LRP1B: variants seen among roughly 807,000 people sequenced by gnomAD.
LRP1B encodes the protein LDL receptor related protein 1B.
A neutral mutation model predicts 556.6 loss-of-function variants in LRP1B; 217 were observed. That is an observed-to-expected ratio of 0.39 (90% CI 0.35 to 0.44). The LOEUF is 0.44. Among genes scored for constraint, LRP1B ranks in the 20% least tolerant of loss-of-function variants. The probability of loss-of-function intolerance (pLI) is 1.00; values close to 1 mark genes in which losing one functional copy is unlikely to be tolerated. For synonymous variants in LRP1B, 2,047 were observed against 1,865.8 expected (o/e 1.10, Z -2.50); for missense variants, 5,053 against 5,620.8 (o/e 0.90, Z 3.23).
At chr2:141,438,692 A>G (rs914955193) in intron 3 of LRP1B, among the ~76,000 whole-genome samples, 1 of 152,166 alleles carries the variant, frequency 6.6e-6, no homozygotes, top group African/African-American at 2.4e-5. Flanking sequence ...TGGGATGAGA[A>G]CCAAAAGAAA....
intron 43 of LRP1B, among the ~76,000 whole-genome samples, chr2:140,584,870 T>A (rs1055916798): frequency 7.6e-5 from 11 of 144,974 alleles, no homozygotes; most frequent in African/African-American, 2.9e-4. Flanking sequence ...AAATTTTGAT[T>A]TTGGCCTTTT....
chr2:141,984,426 A>G (rs1702127803), intron 1 of LRP1B, among the ~76,000 whole-genome samples: 1 of 152,170 alleles, frequency 6.6e-6, no homozygotes, highest in African/African-American at 2.4e-5. Flanking sequence ...AGACCAGCTC[A>G]AGATAGAAAG....
At chr2:140,791,543 G>A (rs1690120731) in intron 32 of LRP1B, among the ~76,000 whole-genome samples, 3 of 152,170 alleles carry the variant, frequency 2.0e-5, no homozygotes, top group African/African-American at 7.2e-5. Flanking sequence ...TGAATATGAT[G>A]TTATTTTGTC....
At chr2:141,588,259 A>G (rs534245522) in intron 2 of LRP1B, among the ~76,000 whole-genome samples, 2 of 151,502 alleles carry the variant, frequency 1.3e-5, no homozygotes, top group African/African-American at 2.4e-5. Flanking sequence ...TTTTTTTATC[A>G]TAAGAGTGTG....
intron 79 of LRP1B, among the ~76,000 whole-genome samples, chr2:140,326,716 T>C (rs1224228092): frequency 1.3e-5 from 2 of 151,870 alleles, no homozygotes; most frequent in Non-Finnish European, 2.9e-5. Flanking sequence ...AAAAAATGTT[T>C]ATGGTAGGGA....
rs190802894 is a variant in LRP1B, at chr2:141,364,773, T to A, written c.344-110132A>T. The stretch of plus-strand genomic sequence containing the variant: ...AGCACAGAATGTGAAAATGTGAAAT[T>A]TGAATCTGAAAATTTCTAAGAGTTT... On this transcript the variant is annotated intron_variant, in intron 3 of 90. Coordinates refer to ENST00000389484, the MANE Select transcript of LRP1B (RefSeq NM_018557.3). 2.2e-3 allele frequency among the ~76,000 whole-genome samples: 342 copies of A among 152,350 alleles called. 2 individuals are homozygous for A. The highest frequency in any genetic ancestry group is 7.2e-3 in the Admixed American group (110 of 15,296).
intron 2 of LRP1B, among the ~76,000 whole-genome samples, chr2:141,584,990 T>C (rs72855434): frequency 0.028 from 4,242 of 152,246 alleles, 94 homozygotes; most frequent in South Asian, 0.067. Flanking sequence ...AAAATGTGAA[T>C]ATATTTAACA....
intron 3 of LRP1B, among the ~76,000 whole-genome samples, chr2:141,423,350 T>C (rs1680222851): frequency 6.9e-6 from 1 of 144,372 alleles, no homozygotes; most frequent in Non-Finnish European, 1.5e-5. Context: ...GATGCACAGA[T>C]GGAGAGAGCA....
In LRP1B at chr2:140,613,352, A is replaced by ATTATATACATATAAATATAAAT. The variant is rs1559005748; in HGVS notation, c.6800-11714_6800-11713insATTTATATTTATATGTATATAA. 4.5e-5 allele frequency among the ~76,000 whole-genome samples: 4 copies of ATTATATACATATAAATATAAAT among 88,848 alleles called. No individual in the cohort carries two copies. In the South Asian group the frequency reaches 1.2e-3, roughly 28 times the overall value. 58.3% of individuals were successfully genotyped at this position (88,848 alleles called of 152,430 possible). A position where few individuals can be genotyped will look rare whatever the true frequency, so the allele number is the denominator to read the frequency against. Reference sequence around the variant, plus strand: ...ATATAATTATATACATATAAATATAAATAATTATATAAATATAAATATATA... The same window carrying ATTATATACATATAAATATAAAT: ...ATATAATTATATACATATAAATATAATTATATACATATAAATATAAATATAATTATATAAATATAAATATATA... On this transcript the variant is annotated intron_variant, in intron 41 of 90. Transcript: ENST00000389484.
At chr2:140,966,830 T>A (rs1696238324) in intron 18 of LRP1B, among the ~76,000 whole-genome samples, 2 of 152,186 alleles carry the variant, frequency 1.3e-5, no homozygotes, top group African/African-American at 2.4e-5. Flanking sequence ...TTTTGTCAGG[T>A]CTGTCAAAGA....
At chr2:140,570,018 T>C (rs986570113) in intron 43 of LRP1B, among the ~76,000 whole-genome samples, 1 of 151,724 alleles carries the variant, frequency 6.6e-6, no homozygotes, top group Non-Finnish European at 1.5e-5. Flanking sequence ...TCAACACCTA[T>C]GGGATACAGC....
chr2:140,440,915 G>A lies in LRP1B; in HGVS notation c.10414+1589C>T, dbSNP rs555520918. On this transcript the variant is annotated intron_variant, in intron 66 of 90. Transcript: ENST00000389484. Reference sequence around the variant, plus strand: ...ACAGAGGTTCAAAGCAGATGCTTTGGTGTCAAATAACCCTGTTATTTGACA... The same window carrying A: ...ACAGAGGTTCAAAGCAGATGCTTTGATGTCAAATAACCCTGTTATTTGACA... Among the ~76,000 whole-genome samples, 50 of 152,176 alleles carry A rather than the reference G, an allele frequency of 3.3e-4. 1 individual carries two copies. The East Asian group carries it at 8.5e-3, about 26-fold the overall frequency.
chr2:140,804,637 A>G (rs1355733577), intron 32 of LRP1B, among the ~76,000 whole-genome samples: 1 of 137,718 alleles, frequency 7.3e-6, no homozygotes. Flanking sequence ...GAGTTAGTGT[A>G]GGTAAAAACT....
At chr2:141,151,468 C>T (rs555781526) in intron 7 of LRP1B, among the ~76,000 whole-genome samples, 1 of 152,136 alleles carries the variant, frequency 6.6e-6, no homozygotes, top group East Asian at 1.9e-4. Context: ...ACTATCAAAA[C>T]ATCAGCTGAT....
intron 2 of LRP1B, among the ~76,000 whole-genome samples, chr2:141,795,337 G>A (rs963595129): frequency 5.3e-5 from 8 of 151,900 alleles, no homozygotes; most frequent in Admixed American, 5.3e-4. Flanking sequence ...CAAGTAACCA[G>A]ATAATTTTCT....
chr2:140,846,345 C>A lies in LRP1B; in HGVS notation c.4939+3757G>T, dbSNP rs146385704. Reference sequence around the variant, plus strand: ...AGGACATGTAGAATGAAAAGGCTGGCAAACTATTTCTACCTCCCCTCACGA... The same window carrying A: ...AGGACATGTAGAATGAAAAGGCTGGAAAACTATTTCTACCTCCCCTCACGA... On this transcript the variant is annotated intron_variant, in intron 29 of 90. Coordinates refer to ENST00000389484, the MANE Select transcript of LRP1B (RefSeq NM_018557.3). 9.6e-3 allele frequency among the ~76,000 whole-genome samples: 1,460 copies of A among 152,184 alleles called. 27 individuals carry two copies. The highest frequency in any genetic ancestry group is 0.042 in the Admixed American group (643 of 15,292).
At chr2:141,337,653 T>G (rs758031192) in intron 3 of LRP1B, among the ~76,000 whole-genome samples, 5 of 152,190 alleles carry the variant, frequency 3.3e-5, no homozygotes, top group Non-Finnish European at 7.3e-5. Context: ...TTATAATTCT[T>G]TCCTCTGTCA....
At chr2:140,842,217 G>A (rs1692132273) in intron 29 of LRP1B, among the ~76,000 whole-genome samples, 1 of 152,144 alleles carries the variant, frequency 6.6e-6, no homozygotes, top group Admixed American at 6.5e-5. Flanking sequence ...TAATGTGAAA[G>A]TGGAAACTCC....
chr2:141,247,148 C>A (rs981977027), intron 5 of LRP1B, 78 bp downstream of exon 5: 1 of 1,525,286 alleles, frequency 6.6e-7, no homozygotes, highest in Non-Finnish European at 9.0e-7. Context: ...TCTGCTATAC[C>A]ACATCTCTAA....
Sources: allele counts gnomAD v4.1 joint callset (sites outside exome capture counted in the v4.1 genomes callset), GRCh38; gene constraint gnomAD v4.1.1; transcripts MANE v1.5; gene names NCBI Gene and HGNC (gene_info 2026-07-23, HGNC 2026-07-21).